Variants in FSTL5 observed in about 807,000 individuals in gnomAD.
The protein encoded by FSTL5 is follistatin-related protein 5.
FSTL5 carries 62 observed loss-of-function variants against 89.1 expected under a neutral mutation model. The ratio of observed to expected loss-of-function variants is 0.70; its 90% CI spans 0.57 to 0.86. The LOEUF (loss-of-function observed/expected upper bound fraction) is 0.86. Among genes scored for constraint, FSTL5 ranks in the 40% least tolerant of loss-of-function variants. The pLI is 0.00. For missense variants in FSTL5, 1,057 were observed against 1,001.6 expected, an observed-to-expected ratio of 1.06 and a Z score of -0.75; for synonymous variants, 383 against 346.2, an observed-to-expected ratio of 1.11 and a Z score of -1.18.
At chr4:161,902,152 G>C (rs1351608589) in intron 4 of FSTL5, among the ~76,000 whole-genome samples, 1 of 151,974 alleles carries the variant, frequency 6.6e-6, no homozygotes, top group Non-Finnish European at 1.5e-5. Flanking sequence ...ACTTTGCCTA[G>C]TTTTGAATTA....
At chr4:161,668,326 C>A (rs1035385391) in intron 6 of FSTL5, among the ~76,000 whole-genome samples, 1 of 152,144 alleles carries the variant, frequency 6.6e-6, no homozygotes, top group Admixed American at 6.6e-5. Context: ...TAAGTAGAAA[C>A]AGGCAATCTG....
chr4:161,937,541 T>A (rs1734465633), intron 3 of FSTL5, among the ~76,000 whole-genome samples: 1 of 152,044 alleles, frequency 6.6e-6, no homozygotes, highest in Admixed American at 6.6e-5. Flanking sequence ...AAAAATAAAA[T>A]GCTCTATCAT....
At chr4:162,017,024 A>C (rs1181101345) in intron 3 of FSTL5, among the ~76,000 whole-genome samples, 1 of 152,210 alleles carries the variant, frequency 6.6e-6, no homozygotes, top group African/African-American at 2.4e-5. Context: ...ACATAGGCTT[A>C]ATAATTTAGT....
At chr4:161,519,172 C>T (rs1186055875) in intron 10 of FSTL5, among the ~76,000 whole-genome samples, 1 of 152,090 alleles carries the variant, frequency 6.6e-6, no homozygotes, top group Non-Finnish European at 1.5e-5. Context: ...ACTGTTTCAA[C>T]GTGGGAAGAG....
chr4:161,440,240 A>G (rs1363119846), intron 15 of FSTL5, among the ~76,000 whole-genome samples: 3 of 152,112 alleles, frequency 2.0e-5, no homozygotes, highest in Non-Finnish European at 4.4e-5. Context: ...AGTTTCATAA[A>G]TTTTTGTACA....
chr4:161,866,159 G>A (rs896723834), intron 4 of FSTL5, among the ~76,000 whole-genome samples: 1 of 152,144 alleles, frequency 6.6e-6, no homozygotes, highest in African/African-American at 2.4e-5. Context: ...TTACACTCCA[G>A]ACCCAACATT....
At chr4:161,723,161 A>G (rs1476187261) in intron 6 of FSTL5, among the ~76,000 whole-genome samples, 1 of 152,180 alleles carries the variant, frequency 6.6e-6, no homozygotes, top group African/African-American at 2.4e-5. Context: ...GAATGTATGG[A>G]TATCTATAAA....
chr4:161,847,807 C>A (rs115238916), intron 4 of FSTL5, among the ~76,000 whole-genome samples: 7,128 of 151,690 alleles, frequency 0.047, 212 homozygotes, highest in Non-Finnish European at 0.07. Flanking sequence ...GAGGCCAGGG[C>A]GGGAAGATCA....
chr4:161,705,855 G>A (rs1245800573), intron 6 of FSTL5, among the ~76,000 whole-genome samples: 1 of 147,246 alleles, frequency 6.8e-6, no homozygotes, highest in African/African-American at 2.5e-5. Context: ...AGCCCAGGAA[G>A]GTCAAGACTG....
chr4:161,585,321 A>G (rs1484170038), intron 8 of FSTL5, among the ~76,000 whole-genome samples: 2 of 152,190 alleles, frequency 1.3e-5, no homozygotes, highest in African/African-American at 4.8e-5. Flanking sequence ...GTCACACTTT[A>G]CCACGCATCA....
At chr4:162,103,347 C>A (rs2111388615) in intron 2 of FSTL5, among the ~76,000 whole-genome samples, 1 of 152,294 alleles carries the variant, frequency 6.6e-6, no homozygotes, top group South Asian at 2.1e-4. Context: ...AAGCTATAAA[C>A]AAATACCTGG....
chr4:161,738,397 G>A (rs1278198231), intron 6 of FSTL5, among the ~76,000 whole-genome samples: 2 of 151,926 alleles, frequency 1.3e-5, no homozygotes, highest in Non-Finnish European at 2.9e-5. Flanking sequence ...CCTATAATTA[G>A]TGATAATTTT....
chr4:161,437,565 C>CAAAAAAAAAAAAAAAAAAAAAAAAAA lies in FSTL5; in HGVS notation c.1841+17438_1841+17439insTTTTTTTTTTTTTTTTTTTTTTTTTT, dbSNP rs56229701. Among the ~76,000 whole-genome samples, 141 of 68,482 alleles carry CAAAAAAAAAAAAAAAAAAAAAAAAAA rather than the reference C, an allele frequency of 2.1e-3. 4 individuals carry two copies. Among genetic ancestry groups the CAAAAAAAAAAAAAAAAAAAAAAAAAA allele is most frequent in the Middle Eastern group, 0.014 (2 of 142 alleles). 44.9% of individuals were successfully genotyped at this position (68,482 alleles called of 152,430 possible). ...CTGGTGACAGAGTGAGACTCCGTCT[C>CAAAAAAAAAAAAAAAAAAAAAAAAAA]AAAAAAAAAAAAAAAAACGAGGTCA... On this transcript the variant is annotated intron_variant, in intron 15 of 15. Coordinates refer to ENST00000306100, the MANE Select transcript of FSTL5 (RefSeq NM_020116.5).
intron 2 of FSTL5, among the ~76,000 whole-genome samples, chr4:162,065,005 A>C (rs1339106796): frequency 1.3e-5 from 2 of 152,062 alleles, no homozygotes; most frequent in African/African-American, 4.8e-5. Context: ...CGATTGGGAA[A>C]GGAATATCTC....
Position 162,062,443 on chromosome 4 carries a change from G to A in FSTL5, c.127-28785C>T, listed in dbSNP as rs192638299. 2.1e-3 allele frequency among the ~76,000 whole-genome samples: 326 copies of A among 151,804 alleles called. 3 individuals carry two copies. The highest frequency in any genetic ancestry group is 4.0e-3 in the Admixed American group (61 of 15,218). ...TCCTGAAAATAAATTAAAATAAGTCGTCTTTCCTATCCAGTACAGTACCGG... is the reference window on the plus strand; with the variant it reads ...TCCTGAAAATAAATTAAAATAAGTCATCTTTCCTATCCAGTACAGTACCGG... On this transcript the variant is annotated intron_variant, in intron 2 of 15. Transcript: ENST00000306100.
At chr4:161,589,800 C>T (rs1179058884) in intron 7 of FSTL5, among the ~76,000 whole-genome samples, 1 of 151,994 alleles carries the variant, frequency 6.6e-6, no homozygotes, top group Non-Finnish European at 1.5e-5. Context: ...GTCTAGAAGG[C>T]CACACAAACG....
chr4:161,718,243 T>A (rs1284116475), intron 6 of FSTL5, among the ~76,000 whole-genome samples: 1 of 152,196 alleles, frequency 6.6e-6, no homozygotes, highest in East Asian at 1.9e-4. Flanking sequence ...TCAGTAATGT[T>A]TGAAGTCTAA....
chr4:161,620,148 A>G (rs1470362367), intron 7 of FSTL5, among the ~76,000 whole-genome samples: 5 of 132,380 alleles, frequency 3.8e-5, no homozygotes, highest in African/African-American at 1.4e-4. Context: ...ATGAGATCAC[A>G]TGGACACAGG....
intron 2 of FSTL5, among the ~76,000 whole-genome samples, chr4:162,087,886 T>C (rs1239088191): frequency 6.6e-6 from 1 of 152,140 alleles, no homozygotes; most frequent in African/African-American, 2.4e-5. Context: ...TTACAGCCAT[T>C]TTGAGTACAA....
Sources: gnomAD v4.1 joint callset for allele counts (sites outside exome capture counted in the v4.1 genomes callset) on GRCh38, gnomAD v4.1.1 for gene constraint, MANE v1.5 for transcripts, NCBI Gene and HGNC (gene_info 2026-07-23, HGNC 2026-07-21) for gene names.